ADGRL3: variants seen among roughly 807,000 people sequenced by gnomAD.
ADGRL3 encodes the protein calcium-independent alpha-latrotoxin receptor 3.
A neutral mutation model predicts 153.5 loss-of-function variants in ADGRL3; 62 were observed. That is an observed-to-expected ratio of 0.40 (90% CI 0.33 to 0.50). The LOEUF (loss-of-function observed/expected upper bound fraction) is 0.50, where lower values mean the gene tolerates loss of function less well. Among genes scored for constraint, ADGRL3 ranks in the 20% least tolerant of loss-of-function variants. The pLI, the probability that ADGRL3 is intolerant of heterozygous loss-of-function variation, is 0.47. For missense variants in ADGRL3, 1,641 were observed against 1,859.4 expected (o/e 0.88, Z 2.16); for synonymous variants, 710 against 672.5 (o/e 1.06, Z -0.86).
At chr4:61,630,873 G>A (rs180742003) in intron 5 of ADGRL3, among the ~76,000 whole-genome samples, 1 of 152,170 alleles carries the variant, frequency 6.6e-6, no homozygotes, top group African/African-American at 2.4e-5. Flanking sequence ...TACCATAGCA[G>A]TCATTAGGTA....
chr4:61,495,232 A>G (rs2098300308), intron 2 of ADGRL3, among the ~76,000 whole-genome samples: 2 of 152,166 alleles, frequency 1.3e-5, no homozygotes, highest in Non-Finnish European at 2.9e-5. Context: ...TAACAATATC[A>G]AAACATCTGA....
chr4:61,509,144 T>TTG (rs1553949484), intron 3 of ADGRL3, among the ~76,000 whole-genome samples: 4 of 150,106 alleles, frequency 2.7e-5, no homozygotes, highest in Non-Finnish European at 4.4e-5. Flanking sequence ...TTTTTTTTTT[T>TTG]GAGACAGAGT....
At chr4:62,066,886 A>G (rs1441050076) in intron 25 of ADGRL3, among the ~76,000 whole-genome samples, 1 of 152,052 alleles carries the variant, frequency 6.6e-6, no homozygotes, top group Admixed American at 6.6e-5. Context: ...GTTCTACCAT[A>G]TTAGCAGGGT....
chr4:61,922,817 CTGGAGTTA>C (rs1157750397), intron 13 of ADGRL3, among the ~76,000 whole-genome samples: 2 of 152,042 alleles, frequency 1.3e-5, no homozygotes, highest in African/African-American at 4.8e-5. Context: ...CTAGTTCAGC[CTGGAGTTA>C]TGGAGGAAAA....
At chr4:61,710,266 A>G (rs1200968957) in intron 6 of ADGRL3, among the ~76,000 whole-genome samples, 1 of 152,198 alleles carries the variant, frequency 6.6e-6, no homozygotes, top group Non-Finnish European at 1.5e-5. Flanking sequence ...TTGTTCAGAA[A>G]CAATAGGGGA....
chr4:61,341,235 A>G (rs2095802183), intron 1 of ADGRL3, among the ~76,000 whole-genome samples: 1 of 151,952 alleles, frequency 6.6e-6, no homozygotes, highest in Non-Finnish European at 1.5e-5. Flanking sequence ...AATTTTGAGG[A>G]ATAGCTATAT....
rs2098021799 is a variant in ADGRL3 at position 61,474,719 on chromosome 4, T to A, written c.-173-22402T>A. On this transcript the variant is annotated intron_variant, in intron 2 of 26. Coordinates refer to ENST00000683033, the MANE Select transcript of ADGRL3 (RefSeq NM_001387552.1). ...AAATATGTTAACTTCATCAGCATTCTTTACAAGAAGAAAAGGCACATATAT... is the reference window on the plus strand; with the variant it reads ...AAATATGTTAACTTCATCAGCATTCATTACAAGAAGAAAAGGCACATATAT... Among the ~76,000 whole-genome samples the A allele has an allele frequency of 3.9e-5, 6 of 152,122 alleles. No homozygotes were observed. In the South Asian group the frequency reaches 1.2e-3, roughly 31 times the overall value.
intron 8 of ADGRL3, among the ~76,000 whole-genome samples, chr4:61,760,870 G>A (rs1254806323): frequency 2.0e-5 from 3 of 152,218 alleles, no homozygotes; most frequent in African/African-American, 7.2e-5. Flanking sequence ...AGACCCGGCT[G>A]TGTGGGAGAC....
At chr4:61,587,108 T>C (rs1359802519) in intron 4 of ADGRL3, 119 bp from the exon 5 acceptor site, 3 of 523,552 alleles carry the variant, frequency 5.7e-6, no homozygotes, top group African/African-American at 5.7e-5. Context: ...AAATTATGAA[T>C]CTTAACTGCT....
rs1182307735 is a variant in ADGRL3 at position 61,202,626 on chromosome 4, C to T, written c.-240+861C>T. On this transcript the variant is annotated intron_variant, in intron 1 of 26. Transcript: ENST00000683033. The surrounding 1 kb of genome is among the most constrained non-coding windows in gnomAD (Gnocchi z 5.0). ...TAGGAGAGAAGGCACCTCGGCGCTTCTCTGAGGAGAAGGGAAGGCTCCAGG... is the reference window on the plus strand; with the variant it reads ...TAGGAGAGAAGGCACCTCGGCGCTTTTCTGAGGAGAAGGGAAGGCTCCAGG... Among the ~76,000 whole-genome samples the T allele has an allele frequency of 6.6e-6, 1 of 152,274 alleles. No individual in the cohort carries two copies. The highest frequency in any genetic ancestry group is 6.5e-5 in the Admixed American group (1 of 15,310).
intron 5 of ADGRL3, among the ~76,000 whole-genome samples, chr4:61,641,800 C>T (rs2093688698): frequency 6.7e-6 from 1 of 150,192 alleles, no homozygotes; most frequent in African/African-American, 2.4e-5. Flanking sequence ...GGGTATATAC[C>T]CAGTAATGGG....
chr4:61,781,662 A>G (rs1033586300), intron 8 of ADGRL3, among the ~76,000 whole-genome samples: 2 of 152,148 alleles, frequency 1.3e-5, no homozygotes, highest in African/African-American at 2.4e-5. Flanking sequence ...CCCTATTTCT[A>G]TTAGGATGTG....
chr4:61,810,754 G>A (rs1029706802), intron 8 of ADGRL3, among the ~76,000 whole-genome samples: 3 of 152,004 alleles, frequency 2.0e-5, no homozygotes, highest in South Asian at 4.2e-4. Flanking sequence ...GAGAGTCCAC[G>A]TTTTCATTTC....
chr4:61,513,165 G>A (rs2098472618), intron 3 of ADGRL3, among the ~76,000 whole-genome samples: 1 of 151,990 alleles, frequency 6.6e-6, no homozygotes, highest in African/African-American at 2.4e-5. Flanking sequence ...CTATTTGGGG[G>A]AATAAGCTGA....
rs1005343371 is a variant in ADGRL3 at position 61,574,894 on chromosome 4, G to A, written c.260-12333G>A. Among the ~76,000 whole-genome samples the A allele has an allele frequency of 4.6e-5, 7 of 151,590 alleles. No individual in the cohort carries two copies. In the East Asian group the frequency reaches 1.4e-3, roughly 29 times the overall value. ...AATTTATATGAGAAAATTTTAGTATGTTATTTATTATTAATATTAGAAGGC... is the reference window on the plus strand; with the variant it reads ...AATTTATATGAGAAAATTTTAGTATATTATTTATTATTAATATTAGAAGGC... On this transcript the variant is annotated intron_variant, in intron 4 of 26. Coordinates refer to ENST00000683033, the MANE Select transcript of ADGRL3 (RefSeq NM_001387552.1).
chr4:61,432,613 TC>T, intron 2 of ADGRL3, among the ~76,000 whole-genome samples: 2 of 75,598 alleles, frequency 2.6e-5, no homozygotes, highest in Non-Finnish European at 2.8e-5. Flanking sequence ...TTTCTTTCTT[TC>T]TTTCTTTCTT....
At position 61,723,701 on chromosome 4, in the gene ADGRL3, AAGAG is replaced by A. The variant is rs531399886; in HGVS notation, c.584-6920_584-6917del. ...GACACCTGGCGTATGTGGTGACTAG[AAGAG>A]GGAGGGAACCGCCATGTTGGGTGGA... On this transcript the variant is annotated intron_variant, in intron 6 of 26. Coordinates refer to ENST00000683033, the MANE Select transcript of ADGRL3 (RefSeq NM_001387552.1). Among the ~76,000 whole-genome samples the A allele has an allele frequency of 1.5e-4, 23 of 152,210 alleles. 1 individual carries two copies. The East Asian group carries it at 2.5e-3, about 17-fold the overall frequency.
At chr4:61,695,619 C>A (rs1379608847) in intron 6 of ADGRL3, among the ~76,000 whole-genome samples, 1 of 152,168 alleles carries the variant, frequency 6.6e-6, no homozygotes, top group African/African-American at 2.4e-5. Flanking sequence ...AATTCCCCAA[C>A]TGTATTGGCC....
chr4:61,547,020 T>G (rs2148730263), intron 4 of ADGRL3, among the ~76,000 whole-genome samples: 1 of 152,300 alleles, frequency 6.6e-6, no homozygotes, highest in Non-Finnish European at 1.5e-5. Context: ...TCATCAAAAC[T>G]CAGTGAACGT....
Sources: allele counts gnomAD v4.1 joint callset (sites outside exome capture counted in the v4.1 genomes callset), GRCh38; gene constraint gnomAD v4.1.1; non-coding constraint Gnocchi (gnomAD v3.1); transcripts MANE v1.5; gene names NCBI Gene and HGNC (gene_info 2026-07-23, HGNC 2026-07-21).